ARHGAP44: variants seen among roughly 807,000 people sequenced by gnomAD.
The protein encoded by ARHGAP44 is Rho GTPase activating protein 44.
A neutral mutation model predicts 106.8 loss-of-function variants in ARHGAP44; 43 were observed. That is an observed-to-expected ratio of 0.40 (90% confidence interval 0.32 to 0.52). The LOEUF is 0.52. ARHGAP44 is among the 20% of genes least tolerant of loss of function. The pLI, the probability that ARHGAP44 is intolerant of heterozygous loss-of-function variation, is 0.48. For synonymous variants in ARHGAP44, 439 were observed against 410.3 expected, an observed-to-expected ratio of 1.07 and a Z score of -0.85; for missense variants, 866 against 1,050.5, an observed-to-expected ratio of 0.82 and a Z score of 2.43.
At chr17:12,986,199 G>A (rs920686759) in intron 20 of ARHGAP44, 3 of 152,148 alleles carry the variant, frequency 2.0e-5, no homozygotes, top group African/African-American at 7.2e-5. Flanking sequence ...CTACCCCGAG[G>A]CTTATTAAAA....
Position 12,847,506 on chromosome 17 carries a change from A to G in ARHGAP44, c.54-47434A>G, listed in dbSNP as rs1211065829. ...CCCCTACACCTTCCTTCAAGCTACCATCACTCTTTTTTTTTTTTTTTTTTT... is the reference window on the plus strand; with the variant it reads ...CCCCTACACCTTCCTTCAAGCTACCGTCACTCTTTTTTTTTTTTTTTTTTT... On this transcript the variant is annotated intron_variant, in intron 1 of 20. Transcript: ENST00000379672. 2.2e-5 allele frequency among the ~76,000 whole-genome samples: 3 copies of G among 135,348 alleles called. No homozygotes were observed. The East Asian group carries it at 6.6e-4, about 30-fold the overall frequency. 88.8% of individuals were successfully genotyped at this position (135,348 alleles called of 152,430 possible).
chr17:12,989,059 T>G (rs1222142932), intron 20 of ARHGAP44: 6 of 132,248 alleles, frequency 4.5e-5, no homozygotes, highest in Non-Finnish European at 9.2e-5. Flanking sequence ...ATTGTGCCAT[T>G]GCACTCCAGT....
At chr17:12,947,580 C>A (rs534902053) in intron 10 of ARHGAP44, among the ~76,000 whole-genome samples, 1 of 152,204 alleles carries the variant, frequency 6.6e-6, no homozygotes, top group African/African-American at 2.4e-5. Flanking sequence ...CCTCTAACAC[C>A]CCCGAAACAG....
rs532803950 is a variant in ARHGAP44 at position 12,910,757 on chromosome 17, A to AT, written c.275+1791dup. 1.9e-3 allele frequency among the ~76,000 whole-genome samples: 286 copies of AT among 152,040 alleles called. 1 individual carries two copies. Among genetic ancestry groups the AT allele is most frequent in the African/African-American group, 6.5e-3 (271 of 41,484 alleles). The stretch of plus-strand genomic sequence containing the variant: ...ATGTAGCATTTTAACAAAGAATGAT[A>AT]TTTTTTTAGAGAAGTGACAAGACAA... On this transcript the variant is annotated intron_variant, in intron 4 of 20. Coordinates refer to ENST00000379672, the MANE Select transcript of ARHGAP44 (RefSeq NM_014859.6).
intron 1 of ARHGAP44, among the ~76,000 whole-genome samples, chr17:12,879,282 G>A (rs115253076): frequency 0.017 from 2,524 of 152,218 alleles, 80 homozygotes; most frequent in African/African-American, 0.058. Context: ...TTTCATCCAC[G>A]TTGCTGGCAA....
At position 12,802,944 on chromosome 17, in the gene ARHGAP44, TATATATATATATATATA is replaced by T. The variant is rs2034145365; in HGVS notation, c.53+13054_53+13070del. Among the ~76,000 whole-genome samples, 15 of 16,404 alleles carry T rather than the reference TATATATATATATATATA, an allele frequency of 9.1e-4. 2 individuals carry two copies. Among genetic ancestry groups the T allele is most frequent in the African/African-American group, 3.6e-3 (11 of 3,032 alleles). The allele number at this position is 16,404 out of a possible 152,430, so 10.8% of individuals were successfully genotyped here. A position where few individuals can be genotyped will look rare whatever the true frequency, so the allele number is the denominator to read the frequency against. ...TGGCTAATTTATATATATATATATATATATATATATATATATATATATATATTTTTTTTTTTTTTTTT... is the reference window on the plus strand; with the variant it reads ...TGGCTAATTTATATATATATATATATTATATATATTTTTTTTTTTTTTTTT... On this transcript the variant is annotated intron_variant, in intron 1 of 20. Coordinates refer to ENST00000379672, the MANE Select transcript of ARHGAP44 (RefSeq NM_014859.6).
chr17:12,957,168 G>T (rs1457853360), intron 15 of ARHGAP44, among the ~76,000 whole-genome samples: 1 of 152,106 alleles, frequency 6.6e-6, no homozygotes, highest in Non-Finnish European at 1.5e-5. Context: ...ATGTCGCTCA[G>T]GCTGGTCTTG....
intron 1 of ARHGAP44, among the ~76,000 whole-genome samples, chr17:12,838,166 CT>C (rs2035291415): frequency 1.3e-5 from 2 of 152,124 alleles, no homozygotes; most frequent in South Asian, 4.1e-4. Flanking sequence ...AGAGTAATTG[CT>C]AACACTATCC....
intron 16 of ARHGAP44, among the ~76,000 whole-genome samples, chr17:12,972,834 T>C (rs1316535720): frequency 6.6e-6 from 1 of 151,690 alleles, no homozygotes; most frequent in Admixed American, 6.6e-5. Context: ...GCTAATTTTT[T>C]GTATTTTTAG....
At chr17:12,881,614 A>G (rs1435931133) in intron 1 of ARHGAP44, among the ~76,000 whole-genome samples, 1 of 151,958 alleles carries the variant, frequency 6.6e-6, no homozygotes, top group African/African-American at 2.4e-5. Flanking sequence ...AGCTCCCTCA[A>G]CTTATTCTAC....
At position 12,990,335 on chromosome 17, in the gene ARHGAP44, T is replaced by TG. The variant is rs2040098390; in HGVS notation, c.*166dup. On this transcript the variant is annotated 3_prime_UTR_variant, in exon 21 of 21. Coordinates refer to ENST00000379672, the MANE Select transcript of ARHGAP44 (RefSeq NM_014859.6). ...AGAAAATTGTGATCTCCAGTCCGTGTGGTGATGCTGGTGGTGCAGGTTTTG... is the reference window on the plus strand; with the variant it reads ...AGAAAATTGTGATCTCCAGTCCGTGTGGGTGATGCTGGTGGTGCAGGTTTTG... 2 of 855,014 alleles carry TG rather than the reference T, an allele frequency of 2.3e-6. No homozygotes were observed. The highest frequency in any genetic ancestry group is 3.5e-6 in the Non-Finnish European group (2 of 571,972). The allele number at this position is 855,014 out of a possible 1,614,324, so 53.0% of individuals were successfully genotyped here.
At chr17:12,841,639 C>CACACAAAAAAAAAA (rs1555546108) in intron 1 of ARHGAP44, among the ~76,000 whole-genome samples, 125 of 137,402 alleles carry the variant, frequency 9.1e-4, no homozygotes, top group African/African-American at 3.7e-3. Context: ...CACACACACA[C>CACACAAAAAAAAAA]AAACAAACAA....
chr17:12,908,831 G>T, intron 3 of ARHGAP44, 66 bp from the exon 4 acceptor site: 1 of 1,328,334 alleles, frequency 7.5e-7, no homozygotes, highest in Non-Finnish European at 1.1e-6. Flanking sequence ...TTGACTTTTT[G>T]CTATTTTAGA....
chr17:12,950,741 A>G (rs1370437946), intron 12 of ARHGAP44, among the ~76,000 whole-genome samples: 1 of 152,162 alleles, frequency 6.6e-6, no homozygotes, highest in East Asian at 1.9e-4. Flanking sequence ...AGGAGGGAGA[A>G]GAATGTTTTC....
intron 18 of ARHGAP44, among the ~76,000 whole-genome samples, chr17:12,974,605 C>T: frequency 6.6e-6 from 1 of 152,262 alleles, no homozygotes; most frequent in East Asian, 1.9e-4. Flanking sequence ...TCCCCTTCCT[C>T]TGTCTTTGTC....
rs1598173210 is a variant in ARHGAP44 at position 12,989,101 on chromosome 17, C to CGAAAAAAAAAAAAAA, written c.2318-931_2318-930insGAAAAAAAAAAAAAA. 1.7e-3 allele frequency among the ~76,000 whole-genome samples: 75 copies of CGAAAAAAAAAAAAAA among 45,150 alleles called. 5 individuals are homozygous for CGAAAAAAAAAAAAAA. The highest frequency in any genetic ancestry group is 2.6e-3 in the African/African-American group (31 of 11,742). The allele number at this position is 45,150 out of a possible 152,430, so 29.6% of individuals were successfully genotyped here. On this transcript the variant is annotated intron_variant, in intron 20 of 20. Transcript: ENST00000379672. ...GACAAGAGCGAAACTCCACCCCCCC[C>CGAAAAAAAAAAAAAA]AAAAAAAAAAAAAAAAAAAAAAAAC...
At chr17:12,823,363 A>G (rs2034828007) in intron 1 of ARHGAP44, among the ~76,000 whole-genome samples, 1 of 152,012 alleles carries the variant, frequency 6.6e-6, no homozygotes, top group Admixed American at 6.6e-5. Context: ...GAACGATAGT[A>G]TTTCTTTCCT....
At chr17:12,815,594 G>T (rs545840577) in intron 1 of ARHGAP44, among the ~76,000 whole-genome samples, 15 of 152,272 alleles carry the variant, frequency 9.9e-5, no homozygotes, top group Admixed American at 7.2e-4. Flanking sequence ...TACCAGTCAG[G>T]AGAAGATAAG....
intron 1 of ARHGAP44, among the ~76,000 whole-genome samples, chr17:12,883,386 T>A (rs2036794186): frequency 6.6e-6 from 1 of 151,706 alleles, no homozygotes; most frequent in African/African-American, 2.4e-5. Flanking sequence ...TTTCTTTTTT[T>A]ATTGTTTTTT....
Sources: allele counts gnomAD v4.1 joint callset (sites outside exome capture counted in the v4.1 genomes callset), GRCh38; gene constraint gnomAD v4.1.1; transcripts MANE v1.5; gene names NCBI Gene and HGNC (gene_info 2026-07-23, HGNC 2026-07-21).